The following ADAM9 variants were observed in gnomAD, a reference collection of about 807,000 sequenced individuals.
ADAM9 encodes disintegrin and metalloproteinase domain-containing protein 9.
Under a neutral mutation model 108.1 loss-of-function variants are expected in ADAM9, and 54 were observed. That is an observed-to-expected ratio of 0.50 (90% CI 0.40 to 0.63). The LOEUF is 0.63. Among genes scored for constraint, ADAM9 ranks in the 20% least tolerant of loss-of-function variants. The pLI is 0.00. For missense variants in ADAM9, 830 were observed against 997.7 expected (o/e 0.83, Z 2.26); for synonymous variants, 316 against 336.0 (o/e 0.94, Z 0.65).
rs141176847 is a variant in ADAM9, at chr8:39,078,507, C to T, written c.1881+1096C>T. Among the ~76,000 whole-genome samples the T allele has an allele frequency of 8.2e-3, 1,243 of 152,214 alleles. 19 individuals are homozygous for T. Among genetic ancestry groups the T allele is most frequent in the African/African-American group, 0.029 (1,188 of 41,550 alleles). On this transcript the variant is annotated intron_variant, in intron 16 of 21. Transcript: ENST00000487273. ...CTCCCTATTTTAAATTAGGGCTGGG[C>T]ACGGTGGCTCATGCCTGTAATCCCA...
intron 4 of ADAM9, 77 bp downstream of exon 4, chr8:39,014,120 C>A: frequency 8.3e-7 from 1 of 1,197,922 alleles, no homozygotes; most frequent in Non-Finnish European, 1.2e-6. Flanking sequence ...TATAGGCACT[C>A]AGGACTGTTA....
At chr8:39,019,450 T>G (rs892427800) in intron 7 of ADAM9, among the ~76,000 whole-genome samples, 4 of 152,196 alleles carry the variant, frequency 2.6e-5, no homozygotes, top group Non-Finnish European at 5.9e-5. Context: ...GTGCTTTGCT[T>G]TAACTAAGAG....
At chr8:39,090,219 A>G in intron 19 of ADAM9, 31 bp downstream of exon 19, 1 of 1,540,524 alleles carries the variant, frequency 6.5e-7, no homozygotes, top group South Asian at 1.1e-5. Context: ...TAATTCCTAT[A>G]TTAAATATAT....
intron 12 of ADAM9, among the ~76,000 whole-genome samples, chr8:39,044,879 T>C (rs930361540): frequency 8.3e-5 from 12 of 143,956 alleles, no homozygotes; most frequent in African/African-American, 1.5e-4. Context: ...TACATACATA[T>C]ATATGTATAT....
chr8:39,005,325 T>C (rs1186296403), intron 1 of ADAM9, among the ~76,000 whole-genome samples: 2 of 152,184 alleles, frequency 1.3e-5, no homozygotes, highest in African/African-American at 2.4e-5. Flanking sequence ...TCTAGAAGAT[T>C]AGTAAGATTA....
chr8:39,080,484 A>G (rs916428778), intron 16 of ADAM9, among the ~76,000 whole-genome samples: 1 of 152,152 alleles, frequency 6.6e-6, no homozygotes, highest in Non-Finnish European at 1.5e-5. Flanking sequence ...ATACACCTTG[A>G]CCCAAACTGA....
At chr8:39,020,012 G>A (rs1836681552) in intron 7 of ADAM9, among the ~76,000 whole-genome samples, 1 of 152,222 alleles carries the variant, frequency 6.6e-6, no homozygotes, top group Admixed American at 6.5e-5. Flanking sequence ...TTGGCTGGGC[G>A]CAGTGGCTCA....
intron 14 of ADAM9, among the ~76,000 whole-genome samples, chr8:39,063,243 G>T (rs1021152609): frequency 6.6e-6 from 1 of 152,074 alleles, no homozygotes; most frequent in African/African-American, 2.4e-5. Context: ...TCACCTTTAG[G>T]GGCATTTTCT....
chr8:39,104,682 AAT>A lies in ADAM9; in HGVS notation c.*985_*986del. 6.6e-6 allele frequency: 3 copies of A among 453,828 alleles called. No homozygotes were observed. The highest frequency in any genetic ancestry group is 1.3e-5 in the Non-Finnish European group (3 of 226,630). 28.1% of individuals were successfully genotyped at this position (453,828 alleles called of 1,614,324 possible). A position where few individuals can be genotyped will look rare whatever the true frequency, so the allele number is the denominator to read the frequency against. ...TACTAAGGTGTGCTGGGTCATGTAAAATATTAGACACTAATATTTTCATAGAA... is the reference window on the plus strand; with the variant it reads ...TACTAAGGTGTGCTGGGTCATGTAAAATTAGACACTAATATTTTCATAGAA... On this transcript the variant is annotated 3_prime_UTR_variant, in exon 22 of 22. Transcript: ENST00000487273.
chr8:39,052,260 A>G (rs1837981805), intron 12 of ADAM9, among the ~76,000 whole-genome samples: 1 of 151,944 alleles, frequency 6.6e-6, no homozygotes, highest in Non-Finnish European at 1.5e-5. Context: ...TATAGGCATC[A>G]TTTTCTTCTA....
At chr8:39,027,608 G>T (rs965440552) in intron 11 of ADAM9, among the ~76,000 whole-genome samples, 4 of 152,108 alleles carry the variant, frequency 2.6e-5, no homozygotes, top group African/African-American at 9.7e-5. Context: ...TATAATAGAA[G>T]ATCCCATGGT....
chr8:39,089,078 C>T (rs1440271467), intron 18 of ADAM9, among the ~76,000 whole-genome samples: 1 of 152,014 alleles, frequency 6.6e-6, no homozygotes, highest in African/African-American at 2.4e-5. Context: ...TGAAACCTGT[C>T]TCTACTAATA....
chr8:39,058,915 C>T (rs953633462), intron 14 of ADAM9, among the ~76,000 whole-genome samples: 1 of 152,194 alleles, frequency 6.6e-6, no homozygotes, highest in Non-Finnish European at 1.5e-5. Flanking sequence ...TGGATGTTGG[C>T]TGCTGATTGA....
chr8:39,088,017 A>G (rs1408451370), intron 18 of ADAM9, among the ~76,000 whole-genome samples: 1 of 152,196 alleles, frequency 6.6e-6, no homozygotes, highest in Non-Finnish European at 1.5e-5. Flanking sequence ...TTTATTAAGA[A>G]AATCATAAGA....
chr8:39,079,337 G>C (rs887713067), intron 16 of ADAM9, among the ~76,000 whole-genome samples: 15 of 123,066 alleles, frequency 1.2e-4, no homozygotes, highest in African/African-American at 3.8e-4. Flanking sequence ...CAGCTCCTGG[G>C]CTCAAGCGAT....
At chr8:39,000,633 A>G (rs1241223660) in intron 1 of ADAM9, among the ~76,000 whole-genome samples, 2 of 151,138 alleles carry the variant, frequency 1.3e-5, no homozygotes, top group East Asian at 3.9e-4. Flanking sequence ...GGCTAATTAA[A>G]AACTTTTTTT....
intron 6 of ADAM9, chr8:39,018,552 T>C (rs536925789): frequency 8.5e-6 from 3 of 354,518 alleles, no homozygotes; most frequent in Non-Finnish European, 1.6e-5. Context: ...ACCCATTTTA[T>C]CTGTAACTAA....
chr8:39,042,612 C>G (rs962679848), intron 12 of ADAM9, among the ~76,000 whole-genome samples: 1 of 152,006 alleles, frequency 6.6e-6, no homozygotes, highest in Non-Finnish European at 1.5e-5. Context: ...CAACCTTACA[C>G]ACGTTTATTT....
intron 14 of ADAM9, among the ~76,000 whole-genome samples, chr8:39,065,814 CAT>C (rs1446105880): frequency 2.0e-5 from 3 of 151,838 alleles, no homozygotes; most frequent in African/African-American, 7.3e-5. Context: ...AGGTTTGTCA[CAT>C]ATGTATACAT....
Sources: gnomAD v4.1 joint callset for allele counts (sites outside exome capture counted in the v4.1 genomes callset) on GRCh38, gnomAD v4.1.1 for gene constraint, MANE v1.5 for transcripts, NCBI Gene and HGNC (gene_info 2026-07-23, HGNC 2026-07-21) for gene names.